The following CYS1 variants were observed in gnomAD, a reference collection of about 807,000 sequenced individuals.
CYS1 encodes the protein cystin-1.
In CYS1, 5 loss-of-function variants were observed where a neutral mutation model predicts 9.6. The ratio of observed to expected loss-of-function variants is 0.52; its 90% CI spans 0.27 to 1.10. The LOEUF (loss-of-function observed/expected upper bound fraction) is 1.10. CYS1 is among the 50% of genes least tolerant of loss of function. The probability of loss-of-function intolerance (pLI) is 0.11; values close to 1 mark genes in which losing one functional copy is unlikely to be tolerated. For synonymous variants in CYS1, 88 were observed against 95.7 expected, an observed-to-expected ratio of 0.92 and a Z score of 0.47; for missense variants, 221 against 207.9, an observed-to-expected ratio of 1.06 and a Z score of -0.39.
chr2:10,074,571 G>A (rs755167489), intron 1 of CYS1, among the ~76,000 whole-genome samples: 7 of 152,204 alleles, frequency 4.6e-5, no homozygotes, highest in Non-Finnish European at 8.8e-5. Flanking sequence ...TTGGGAGGAA[G>A]GGAAATTTTC....
At chr2:10,078,352 C>T (rs1661888825) in intron 1 of CYS1, among the ~76,000 whole-genome samples, 2 of 152,178 alleles carry the variant, frequency 1.3e-5, no homozygotes, top group Non-Finnish European at 2.9e-5. Flanking sequence ...GTCGGTGTGA[C>T]GTTCCTAAAA....
chr2:10,070,621 C>T (rs1661754380), intron 1 of CYS1, among the ~76,000 whole-genome samples: 6 of 151,864 alleles, frequency 4.0e-5, no homozygotes, highest in Admixed American at 3.9e-4. Flanking sequence ...GCTGGGATTA[C>T]AGGTGTGAGC....
chr2:10,058,809 C>A lies in CYS1; in HGVS notation c.*44G>T. On this transcript the variant is annotated 3_prime_UTR_variant, in exon 3 of 3. Coordinates refer to ENST00000381813, the MANE Select transcript of CYS1 (RefSeq NM_001037160.3). Reference sequence around the variant, plus strand: ...CTGTGCAAGCAGAGGGTGCCCCAGCCAGCAGGTGCCTCCGAGGCCTGGCGG... The same window carrying A: ...CTGTGCAAGCAGAGGGTGCCCCAGCAAGCAGGTGCCTCCGAGGCCTGGCGG... 6.7e-7 allele frequency: 1 copy of A among 1,495,062 alleles called. No homozygotes were observed. Among genetic ancestry groups the A allele is most frequent in the Middle Eastern group, 2.3e-4 (1 of 4,368 alleles). The allele number at this position is 1,495,062 out of a possible 1,614,324, so 92.6% of individuals were successfully genotyped here.
intron 1 of CYS1, among the ~76,000 whole-genome samples, chr2:10,078,494 C>A (rs765820348): frequency 1.4e-4 from 21 of 152,244 alleles, no homozygotes; most frequent in Non-Finnish European, 2.6e-4. Flanking sequence ...CTGACCCATG[C>A]CCTGGGCACC....
chr2:10,079,893 C>G lies in CYS1; in HGVS notation c.318+13G>C. 1.8e-6 allele frequency: 2 copies of G among 1,107,774 alleles called. No individual in the cohort carries two copies. The highest frequency in any genetic ancestry group is 8.6e-5 in the South Asian group (2 of 23,232). The allele number at this position is 1,107,774 out of a possible 1,614,324, so 68.6% of individuals were successfully genotyped here. ...CCCGCCGTCCCCCGAGGCCCTGCGG[C>G]TCCCACACTCACCGCGCTCCCCGCG... On this transcript the variant is annotated intron_variant, in intron 1 of 2. Coordinates refer to ENST00000381813, the MANE Select transcript of CYS1 (RefSeq NM_001037160.3).
Position 10,073,149 on chromosome 2 carries a change from C to T in CYS1, c.318+6757G>A, listed in dbSNP as rs541753990. On this transcript the variant is annotated intron_variant, in intron 1 of 2. Transcript: ENST00000381813. The stretch of plus-strand genomic sequence containing the variant: ...GGGGCAGCGGTGCAGGTGGGCTCTG[C>T]GATGAGACCTGTCTTGCATGGCTAA... 1.9e-4 allele frequency among the ~76,000 whole-genome samples: 28 copies of T among 149,256 alleles called. 1 individual carries two copies. In the South Asian group the frequency reaches 5.8e-3, roughly 31 times the overall value.
chr2:10,079,951 C>G lies in CYS1; in HGVS notation c.273G>C (p.Pro91=). 1 of 1,119,260 alleles carries G rather than the reference C, an allele frequency of 8.9e-7. No individual in the cohort carries two copies. The highest frequency in any genetic ancestry group is 1.1e-6 in the Non-Finnish European group (1 of 915,834). The allele number at this position is 1,119,260 out of a possible 1,614,324, so 69.3% of individuals were successfully genotyped here. ...TGGGTCGGAGCCGGGCTGGGCGGCG[C>G]GGGGCGGGCTCCGGGGGGCCCCAGG... ...SAAWGPPEPA[P]RRPARLRPTA... Residue 91 remains proline, a synonymous_variant, in exon 1 of 3, where the codon CCG becomes CCC. Transcript: ENST00000381813.
intron 1 of CYS1, among the ~76,000 whole-genome samples, chr2:10,075,833 A>C (rs963391732): frequency 1.3e-5 from 2 of 152,226 alleles, no homozygotes; most frequent in Non-Finnish European, 2.9e-5. Context: ...CTTGACCTTG[A>C]GTGACCCAGG....
chr2:10,075,518 T>C (rs1661830993), intron 1 of CYS1, among the ~76,000 whole-genome samples: 1 of 152,242 alleles, frequency 6.6e-6, no homozygotes, highest in East Asian at 1.9e-4. Flanking sequence ...ACAGTGACTT[T>C]GTTTTGCTGC....
intron 1 of CYS1, 46 bp from the exon 2 acceptor site, chr2:10,066,002 G>A: frequency 1.2e-6 from 2 of 1,607,792 alleles, no homozygotes; most frequent in Non-Finnish European, 1.7e-6. Context: ...TGTCAACAGT[G>A]CAGCCTGCCT....
intron 2 of CYS1, 130 bp downstream of exon 2, chr2:10,065,774 A>T: frequency 1.2e-6 from 1 of 850,622 alleles, no homozygotes; most frequent in Non-Finnish European, 2.0e-6. Flanking sequence ...CTTTGCATTT[A>T]GAGGGAGCTG....
chr2:10,059,021 C>G lies in CYS1; in HGVS notation c.372-63G>C. On this transcript the variant is annotated intron_variant, in intron 2 of 2. Coordinates refer to ENST00000381813, the MANE Select transcript of CYS1 (RefSeq NM_001037160.3). ...GGATGGTGCGTTCACACTCATTTCCCCTGGCCACCACAATGGCTCCTAGTG... is the reference window on the plus strand; with the variant it reads ...GGATGGTGCGTTCACACTCATTTCCGCTGGCCACCACAATGGCTCCTAGTG... 5.5e-6 allele frequency: 8 copies of G among 1,453,908 alleles called. No homozygotes were observed. The South Asian group carries it at 9.7e-5, about 18-fold the overall frequency. 90.1% of individuals were successfully genotyped at this position (1,453,908 alleles called of 1,614,324 possible).
chr2:10,066,622 G>A (rs938029467), intron 1 of CYS1, among the ~76,000 whole-genome samples: 9 of 152,352 alleles, frequency 5.9e-5, no homozygotes, highest in South Asian at 2.1e-4. Context: ...CTGGCTGTCC[G>A]CTAAAGCATG....
At position 10,057,070 on chromosome 2, in the gene CYS1, A is replaced by G. The variant is rs1661560870; in HGVS notation, c.*1783T>C. On this transcript the variant is annotated 3_prime_UTR_variant, in exon 3 of 3. Coordinates refer to ENST00000381813, the MANE Select transcript of CYS1 (RefSeq NM_001037160.3). ...CTTTTCCACCAGAAAATGCAGAGGT[A>G]TCATCTTTCTTGGAAACCAATTGAA... The G allele has an allele frequency of 6.6e-6, 1 of 152,272 alleles. No individual in the cohort carries two copies. The highest frequency in any genetic ancestry group is 6.5e-5 in the Admixed American group (1 of 15,290). The allele number at this position is 152,272 out of a possible 1,614,324, so 9.4% of individuals were successfully genotyped here.
At chr2:10,059,674 A>G (rs1661600378) in intron 2 of CYS1, among the ~76,000 whole-genome samples, 1 of 152,246 alleles carries the variant, frequency 6.6e-6, no homozygotes, top group African/African-American at 2.4e-5. Flanking sequence ...AGCCTGAGTG[A>G]CAAAGTAAGA....
chr2:10,073,832 A>G (rs1661808617), intron 1 of CYS1, among the ~76,000 whole-genome samples: 1 of 152,072 alleles, frequency 6.6e-6, no homozygotes, highest in African/African-American at 2.4e-5. Context: ...CCCAGTACTC[A>G]GCAGCAGCCA....
Position 10,059,041 on chromosome 2 carries a change from C to CA in CYS1, c.372-84_372-83insT, listed in dbSNP as rs201762569. ...TTTCCCCTGGCCACCACAATGGCTC[C>CA]TAGTGGGCCCATCCTGAAACCCAAA... is the stretch of plus-strand genomic sequence containing the variant. On this transcript the variant is annotated intron_variant, in intron 2 of 2. Transcript: ENST00000381813. 1.3e-3 allele frequency: 1,660 copies of CA among 1,297,210 alleles called. 23 individuals are homozygous for CA. In the African/African-American group the frequency reaches 0.022, roughly 17 times the overall value. 80.4% of individuals were successfully genotyped at this position (1,297,210 alleles called of 1,614,324 possible).
rs1304837011 is a variant in CYS1, at chr2:10,065,988, A to G, written c.319-32T>C. On this transcript the variant is annotated intron_variant, in intron 1 of 2. Coordinates refer to ENST00000381813, the MANE Select transcript of CYS1 (RefSeq NM_001037160.3). ...AAAGATGAAATGAAGAGACATTCAA[A>G]GATTGTCAACAGTGCAGCCTGCCTA... The G allele has an allele frequency of 3.1e-6, 5 of 1,613,780 alleles. No homozygotes were observed. The South Asian group carries it at 4.4e-5, about 14-fold the overall frequency.
rs1047354390 is a variant in CYS1, at chr2:10,057,762, C to A, written c.*1091G>T. The A allele has an allele frequency of 6.6e-6, 1 of 152,624 alleles. No homozygotes were observed. The highest frequency in any genetic ancestry group is 1.5e-5 in the Non-Finnish European group (1 of 68,410). The allele number at this position is 152,624 out of a possible 1,614,324, so 9.5% of individuals were successfully genotyped here. On this transcript the variant is annotated 3_prime_UTR_variant, in exon 3 of 3. Coordinates refer to ENST00000381813, the MANE Select transcript of CYS1 (RefSeq NM_001037160.3). The stretch of plus-strand genomic sequence containing the variant: ...CCCCACAGCTCTCCCCCGGAGCTGT[C>A]CCCCAGCAGGCCACACCTGGGCCCA...
Sources: allele counts gnomAD v4.1 joint callset (sites outside exome capture counted in the v4.1 genomes callset), GRCh38; gene constraint gnomAD v4.1.1; transcripts MANE v1.5; gene names NCBI Gene and HGNC (gene_info 2026-07-23, HGNC 2026-07-21).